Variants in GREM2 observed in about 807,000 individuals in gnomAD.
The protein encoded by GREM2 is gremlin-2.
A neutral mutation model predicts 14.2 loss-of-function variants in GREM2; 11 were observed. That is an observed-to-expected ratio of 0.78 (90% CI 0.49 to 1.28). The LOEUF (loss-of-function observed/expected upper bound fraction) is 1.28. GREM2 is among the 50% of genes most tolerant of loss of function. GREM2 has a pLI of 0.00. For synonymous variants in GREM2, 98 were observed against 97.6 expected, an observed-to-expected ratio of 1.00 and a Z score of -0.02; for missense variants, 210 against 218.5, an observed-to-expected ratio of 0.96 and a Z score of 0.24.
chr1:240,502,233 T>C (rs1677584735), intron 1 of GREM2, among the ~76,000 whole-genome samples: 1 of 152,172 alleles, frequency 6.6e-6, no homozygotes, highest in South Asian at 2.1e-4. Flanking sequence ...CCCACCAACT[T>C]TTCCTGTTCA....
At chr1:240,516,591 T>C (rs915572610) in intron 1 of GREM2, among the ~76,000 whole-genome samples, 4 of 152,200 alleles carry the variant, frequency 2.6e-5, no homozygotes, top group South Asian at 2.1e-4. Context: ...ACTTCCAGTA[T>C]GTATAATACT....
chr1:240,600,277 C>T (rs1430866109), intron 1 of GREM2, among the ~76,000 whole-genome samples: 2 of 152,108 alleles, frequency 1.3e-5, no homozygotes, highest in Non-Finnish European at 2.9e-5. Flanking sequence ...AGGCATCAAA[C>T]ATCCAACATG....
intron 1 of GREM2, among the ~76,000 whole-genome samples, chr1:240,513,836 T>C (rs1175416638): frequency 2.0e-5 from 3 of 151,976 alleles, no homozygotes; most frequent in Non-Finnish European, 4.4e-5. Flanking sequence ...GGTATATTGG[T>C]GAGAATGTAA....
At chr1:240,531,611 C>T (rs1353874849) in intron 1 of GREM2, 21 of 980,812 alleles carry the variant, frequency 2.1e-5, no homozygotes, top group Non-Finnish European at 2.5e-5. Flanking sequence ...GGTTATGTGG[C>T]GAGGCCACTG....
intron 1 of GREM2, among the ~76,000 whole-genome samples, chr1:240,567,819 T>C (rs977118696): frequency 6.6e-6 from 1 of 152,118 alleles, no homozygotes; most frequent in Non-Finnish European, 1.5e-5. Context: ...TAAATAAAAA[T>C]AAAAGCAGGC....
intron 1 of GREM2, among the ~76,000 whole-genome samples, chr1:240,603,775 A>G (rs1475910242): frequency 6.6e-6 from 1 of 151,598 alleles, no homozygotes; most frequent in Non-Finnish European, 1.5e-5. Context: ...ACACACACAT[A>G]TATGTTATTG....
At chr1:240,559,100 T>C (rs1020170173) in intron 1 of GREM2, among the ~76,000 whole-genome samples, 3 of 152,056 alleles carry the variant, frequency 2.0e-5, no homozygotes, top group African/African-American at 7.2e-5. Flanking sequence ...CATAAAAAAG[T>C]TTTTTAAGGG....
intron 1 of GREM2, among the ~76,000 whole-genome samples, chr1:240,557,875 C>A (rs987165030): frequency 6.0e-5 from 9 of 150,620 alleles, no homozygotes; most frequent in African/African-American, 2.2e-4. Flanking sequence ...ACAATATCAC[C>A]AGCAGATTAT....
intron 1 of GREM2, among the ~76,000 whole-genome samples, chr1:240,552,860 C>T (rs1004129265): frequency 2.6e-5 from 4 of 152,200 alleles, no homozygotes; most frequent in African/African-American, 4.8e-5. Flanking sequence ...AATTATTAAG[C>T]TCTTCTTCTC....
chr1:240,568,723 TTGTC>T (rs2103360741), intron 1 of GREM2, among the ~76,000 whole-genome samples: 1 of 152,268 alleles, frequency 6.6e-6, no homozygotes, highest in Admixed American at 6.5e-5. Flanking sequence ...AATTAACACA[TTGTC>T]TGTATTCTCA....
At chr1:240,522,228 C>T (rs1323635219) in intron 1 of GREM2, among the ~76,000 whole-genome samples, 1 of 151,632 alleles carries the variant, frequency 6.6e-6, no homozygotes, top group Non-Finnish European at 1.5e-5. Flanking sequence ...AGGGATTATA[C>T]TGAAATGAAA....
At chr1:240,557,910 G>A (rs1381219610) in intron 1 of GREM2, among the ~76,000 whole-genome samples, 1 of 151,628 alleles carries the variant, frequency 6.6e-6, no homozygotes, top group Non-Finnish European at 1.5e-5. Context: ...GTTTGAGGCT[G>A]AAAAAAAGGT....
At chr1:240,606,677 CTTTTT>C (rs1261199860) in intron 1 of GREM2, among the ~76,000 whole-genome samples, 1 of 131,338 alleles carries the variant, frequency 7.6e-6, no homozygotes. Flanking sequence ...TGAAACAGTT[CTTTTT>C]TTTTTTTTTT....
At chr1:240,610,064 T>C (rs571889409) in intron 1 of GREM2, among the ~76,000 whole-genome samples, 109 of 152,308 alleles carry the variant, frequency 7.2e-4, no homozygotes, top group Admixed American at 2.4e-3. Flanking sequence ...AAAGTGAATA[T>C]AATCCGTCTC....
At chr1:240,607,980 C>T (rs184119381) in intron 1 of GREM2, among the ~76,000 whole-genome samples, 22 of 152,270 alleles carry the variant, frequency 1.4e-4, no homozygotes, top group Admixed American at 2.6e-4. Flanking sequence ...AAGGACTATA[C>T]TAGTAAAAGC....
In GREM2 at chr1:240,502,805, A is replaced by G. The variant is rs113660124; in HGVS notation, c.-1-9329T>C. On this transcript the variant is annotated intron_variant, in intron 1 of 1. Transcript: ENST00000318160. ...TAACAGAACCATAATTTGTTCAGGT[A>G]TTGAATTTCAAGTTCTTCATAGACC... is the stretch of plus-strand genomic sequence containing the variant. Among the ~76,000 whole-genome samples, 358 of 152,322 alleles carry G rather than the reference A, an allele frequency of 2.4e-3. 2 individuals are homozygous for G. The highest frequency in any genetic ancestry group is 7.9e-3 in the African/African-American group (330 of 41,572).
intron 1 of GREM2, among the ~76,000 whole-genome samples, chr1:240,605,487 A>AAAAC (rs1020459180): frequency 5.9e-5 from 9 of 152,132 alleles, no homozygotes; most frequent in Non-Finnish European, 1.2e-4. Context: ...CTTGTCTCAA[A>AAAAC]AAACAAACAA....
chr1:240,557,355 A>G (rs561208561), intron 1 of GREM2, among the ~76,000 whole-genome samples: 2 of 152,228 alleles, frequency 1.3e-5, no homozygotes, highest in Admixed American at 1.3e-4. Flanking sequence ...ACTGAAATAC[A>G]TTCCCAAAGC....
rs185164268 is a variant in GREM2, at chr1:240,547,320, G to A, written c.-1-53844C>T. Among the ~76,000 whole-genome samples, 509 of 151,776 alleles carry A rather than the reference G, an allele frequency of 3.4e-3. 2 individuals are homozygous for A. The highest frequency in any genetic ancestry group is 5.7e-3 in the Non-Finnish European group (385 of 67,964). Reference sequence around the variant, plus strand: ...TCAAGACCATCCTGGCTAACACTGCGAAACCCTGTCTCTACTAAAAATACA... The same window carrying A: ...TCAAGACCATCCTGGCTAACACTGCAAAACCCTGTCTCTACTAAAAATACA... On this transcript the variant is annotated intron_variant, in intron 1 of 1. Coordinates refer to ENST00000318160, the MANE Select transcript of GREM2 (RefSeq NM_022469.4).
Sources: gnomAD v4.1 joint callset for allele counts (sites outside exome capture counted in the v4.1 genomes callset) on GRCh38, gnomAD v4.1.1 for gene constraint, MANE v1.5 for transcripts, NCBI Gene and HGNC (gene_info 2026-07-23, HGNC 2026-07-21) for gene names.